FIGN: variants seen among roughly 807,000 people sequenced by gnomAD.
The protein encoded by FIGN is fidgetin.
FIGN carries 11 observed loss-of-function variants against 51.3 expected under a neutral mutation model. The observed-to-expected ratio is 0.21, with a 90% CI of 0.13 to 0.35. The LOEUF (loss-of-function observed/expected upper bound fraction) is 0.35, where lower values mean the gene tolerates loss of function less well. Ranked by LOEUF, FIGN falls within the 10% of genes least tolerant of loss-of-function variation. FIGN has a pLI of 1.00. For synonymous variants in FIGN, 407 were observed against 363.2 expected, an observed-to-expected ratio of 1.12 and a Z score of -1.37; for missense variants, 857 against 943.6, an observed-to-expected ratio of 0.91 and a Z score of 1.20.
chr2:163,675,774 G>T (rs1683951535), intron 2 of FIGN, among the ~76,000 whole-genome samples: 1 of 118,698 alleles, frequency 8.4e-6, no homozygotes, highest in Non-Finnish European at 1.6e-5. Flanking sequence ...TGGAAACACT[G>T]CACTTTTATG....
rs199898159 is a variant in FIGN, at chr2:163,610,440, A to G, written c.1392T>C (p.Thr464=). 47 of 1,614,136 alleles carry G rather than the reference A, an allele frequency of 2.9e-5. No individual in the cohort carries two copies. The Admixed American group carries it at 6.7e-4, about 23-fold the overall frequency. The change falls in exon 3 of 3, where the codon ACT becomes ACC. Residue 464 remains threonine (T), a synonymous_variant. Transcript: ENST00000333129. ...NHSVDEQLKN[T]DTHLIDLVTN... is the part of the protein sequence containing the mutation. Reference sequence around the variant, plus strand: ...TTACCAGGTCGATGAGGTGCGTGTCAGTATTCTTCAGTTGCTCGTCCACAG... The same window carrying G: ...TTACCAGGTCGATGAGGTGCGTGTCGGTATTCTTCAGTTGCTCGTCCACAG...
chr2:163,708,206 C>T (rs1310841901), intron 2 of FIGN, among the ~76,000 whole-genome samples: 2 of 152,138 alleles, frequency 1.3e-5, no homozygotes, highest in African/African-American at 4.8e-5. Context: ...CTGCACACTA[C>T]GCTGTGTTTA....
intron 2 of FIGN, among the ~76,000 whole-genome samples, chr2:163,681,638 T>C (rs1337745877): frequency 1.3e-5 from 2 of 152,170 alleles, no homozygotes; most frequent in Non-Finnish European, 2.9e-5. Context: ...TGAAGCACGA[T>C]GAAGGGCAAA....
At chr2:163,710,883 G>A (rs577186019) in intron 2 of FIGN, among the ~76,000 whole-genome samples, 14 of 152,222 alleles carry the variant, frequency 9.2e-5, no homozygotes, top group Admixed American at 2.6e-4. Flanking sequence ...ACAATTACAA[G>A]ATTACACAGA....
At chr2:163,660,256 T>C (rs1683629417) in intron 2 of FIGN, among the ~76,000 whole-genome samples, 1 of 152,204 alleles carries the variant, frequency 6.6e-6, no homozygotes. Context: ...TGCTCTATTA[T>C]TCTGCAAACT....
intron 2 of FIGN, among the ~76,000 whole-genome samples, chr2:163,677,692 A>G (rs919050657): frequency 1.1e-4 from 17 of 152,242 alleles, no homozygotes; most frequent in African/African-American, 4.1e-4. Context: ...TTTTTTATTC[A>G]AAATCATTTT....
chr2:163,626,194 C>T (rs1283107929), intron 2 of FIGN, among the ~76,000 whole-genome samples: 4 of 152,080 alleles, frequency 2.6e-5, no homozygotes, highest in Non-Finnish European at 4.4e-5. Flanking sequence ...AGAGAAGAAA[C>T]CAAACTCATT....
chr2:163,703,034 T>C (rs910924347), intron 2 of FIGN, among the ~76,000 whole-genome samples: 2 of 151,978 alleles, frequency 1.3e-5, no homozygotes, highest in African/African-American at 4.8e-5. Context: ...ATTTAGCTTT[T>C]TTTTTTTTTT....
intron 2 of FIGN, among the ~76,000 whole-genome samples, chr2:163,726,823 A>G (rs536953434): frequency 6.6e-6 from 1 of 152,248 alleles, no homozygotes; most frequent in South Asian, 2.1e-4. Flanking sequence ...GACTGCCATT[A>G]TCTATAGCCT....
intron 2 of FIGN, among the ~76,000 whole-genome samples, chr2:163,721,468 G>A (rs1684755914): frequency 6.6e-6 from 1 of 152,156 alleles, no homozygotes; most frequent in South Asian, 2.1e-4. Context: ...AAGTCACACT[G>A]CAAAAATGCT....
intron 2 of FIGN, among the ~76,000 whole-genome samples, chr2:163,699,411 A>C (rs1573958474): frequency 6.6e-6 from 1 of 152,074 alleles, no homozygotes; most frequent in African/African-American, 2.4e-5. Flanking sequence ...CTACCTAATT[A>C]CCCTCTGGAA....
In FIGN at chr2:163,607,539, G is replaced by A. The variant is rs996379819; in HGVS notation, c.*2013C>T. On this transcript the variant is annotated 3_prime_UTR_variant, in exon 3 of 3. Transcript: ENST00000333129. ...CTCATGAGCTTTCTCTATGTTAAGTGTTTCAGAGAATTGGATATTGTGGAT... is the reference window on the plus strand; with the variant it reads ...CTCATGAGCTTTCTCTATGTTAAGTATTTCAGAGAATTGGATATTGTGGAT... 2.6e-5 allele frequency: 4 copies of A among 152,166 alleles called. No homozygotes were observed. The highest frequency in any genetic ancestry group is 9.7e-5 in the African/African-American group (4 of 41,298). 9.4% of individuals were successfully genotyped at this position (152,166 alleles called of 1,614,324 possible). A position where few individuals can be genotyped will look rare whatever the true frequency, so the allele number is the denominator to read the frequency against.
chr2:163,676,750 T>C (rs1356212727), intron 2 of FIGN, among the ~76,000 whole-genome samples: 1 of 152,018 alleles, frequency 6.6e-6, no homozygotes, highest in African/African-American at 2.4e-5. Context: ...AGTCATCTGT[T>C]AGCCTGAAAC....
rs2105297158 is a variant in FIGN, at chr2:163,609,395, C to G, written c.*157G>C. Reference sequence around the variant, plus strand: ...AGCTCTCATTTGATGCACTTTTCCTCCAAATCTACCCTGACTCTAAAGATG... The same window carrying G: ...AGCTCTCATTTGATGCACTTTTCCTGCAAATCTACCCTGACTCTAAAGATG... On this transcript the variant is annotated 3_prime_UTR_variant, in exon 3 of 3. Coordinates refer to ENST00000333129, the MANE Select transcript of FIGN (RefSeq NM_018086.4). The G allele has an allele frequency of 4.5e-6, 3 of 663,652 alleles. No individual in the cohort carries two copies. The East Asian group carries it at 8.2e-5, about 18-fold the overall frequency. 41.1% of individuals were successfully genotyped at this position (663,652 alleles called of 1,614,324 possible).
At chr2:163,622,303 C>T (rs948487241) in intron 2 of FIGN, among the ~76,000 whole-genome samples, 1 of 151,954 alleles carries the variant, frequency 6.6e-6, no homozygotes, top group Non-Finnish European at 1.5e-5. Flanking sequence ...TCACTGCACT[C>T]CAGCCTCGGC....
intron 2 of FIGN, among the ~76,000 whole-genome samples, chr2:163,723,954 C>T (rs570927060): frequency 1.3e-5 from 2 of 152,190 alleles, no homozygotes; most frequent in South Asian, 2.1e-4. Context: ...ATTTTTGGAG[C>T]TTTCTTAAGA....
At chr2:163,720,059 A>G (rs919429772) in intron 2 of FIGN, among the ~76,000 whole-genome samples, 1 of 152,214 alleles carries the variant, frequency 6.6e-6, no homozygotes, top group Non-Finnish European at 1.5e-5. Context: ...GCACATGCAC[A>G]GAAAATTAAG....
At chr2:163,691,532 T>C (rs1684239653) in intron 2 of FIGN, among the ~76,000 whole-genome samples, 1 of 152,166 alleles carries the variant, frequency 6.6e-6, no homozygotes, top group Non-Finnish European at 1.5e-5. Context: ...ATGTGACCTA[T>C]TTTAAACAGT....
chr2:163,730,504 TTGTGTGTGTGTGTG>T (rs59444555), intron 2 of FIGN, among the ~76,000 whole-genome samples: 2 of 148,928 alleles, frequency 1.3e-5, no homozygotes, highest in Non-Finnish European at 3.0e-5. Flanking sequence ...TGCTCCGTGT[TTGTGTGTGTGTGTG>T]TGTGTGTGTG....
Sources: gnomAD v4.1 joint callset for allele counts (sites outside exome capture counted in the v4.1 genomes callset) on GRCh38, gnomAD v4.1.1 for gene constraint, MANE v1.5 for transcripts, NCBI Gene and HGNC (gene_info 2026-07-23, HGNC 2026-07-21) for gene names.